The following SPOCK1 variants were observed in gnomAD, a reference collection of about 807,000 sequenced individuals.
The protein encoded by SPOCK1 is SPARC (osteonectin), cwcv and kazal like domains proteoglycan 1.
SPOCK1 carries 23 observed loss-of-function variants against 55.3 expected under a neutral mutation model. That is an observed-to-expected ratio of 0.42 (90% confidence interval 0.30 to 0.59). The LOEUF (loss-of-function observed/expected upper bound fraction) is 0.59, where lower values mean the gene tolerates loss of function less well. SPOCK1 is among the 20% of genes least tolerant of loss of function. The pLI, the probability that SPOCK1 is intolerant of heterozygous loss-of-function variation, is 0.22. For synonymous variants in SPOCK1, 226 were observed against 221.0 expected (o/e 1.02, Z -0.20); for missense variants, 499 against 552.5 (o/e 0.90, Z 0.97).
At chr5:137,405,483 G>A (rs1339472930) in intron 2 of SPOCK1, among the ~76,000 whole-genome samples, 1 of 152,082 alleles carries the variant, frequency 6.6e-6, no homozygotes, top group Non-Finnish European at 1.5e-5. Context: ...GTCCTCCTGC[G>A]GGTAGCCCAG....
At chr5:137,159,657 A>C (rs529713653) in intron 3 of SPOCK1, among the ~76,000 whole-genome samples, 66 of 152,334 alleles carry the variant, frequency 4.3e-4, no homozygotes, top group African/African-American at 1.5e-3. Flanking sequence ...ACATTGCTGC[A>C]AAAGGCACAA....
chr5:137,300,288 T>G (rs1179593416), intron 2 of SPOCK1, among the ~76,000 whole-genome samples: 1 of 152,190 alleles, frequency 6.6e-6, no homozygotes, highest in Non-Finnish European at 1.5e-5. Flanking sequence ...TCCATTTCCT[T>G]TAGGTCTCTG....
intron 3 of SPOCK1, among the ~76,000 whole-genome samples, chr5:137,184,332 T>C (rs1755024562): frequency 6.6e-6 from 1 of 152,126 alleles, no homozygotes; most frequent in South Asian, 2.1e-4. Flanking sequence ...GCTCCTCTCA[T>C]GGACAGATCC....
chr5:137,331,469 A>G (rs909805710), intron 2 of SPOCK1, among the ~76,000 whole-genome samples: 1 of 152,228 alleles, frequency 6.6e-6, no homozygotes, highest in African/African-American at 2.4e-5. Flanking sequence ...TTGCATTGCT[A>G]TAAACACCTG....
chr5:137,078,756 C>T (rs1173988049), intron 5 of SPOCK1, among the ~76,000 whole-genome samples: 2 of 152,148 alleles, frequency 1.3e-5, no homozygotes, highest in Non-Finnish European at 2.9e-5. Context: ...TTAATCTTTG[C>T]TCCTTCCTCC....
intron 5 of SPOCK1, among the ~76,000 whole-genome samples, chr5:137,079,884 C>A (rs1752851392): frequency 6.6e-6 from 1 of 152,090 alleles, no homozygotes; most frequent in South Asian, 2.1e-4. Context: ...TTCCAGCCCA[C>A]CCCACTCAAC....
intron 2 of SPOCK1, among the ~76,000 whole-genome samples, chr5:137,445,055 A>G (rs1753093948): frequency 6.6e-6 from 1 of 152,186 alleles, no homozygotes; most frequent in Non-Finnish European, 1.5e-5. Context: ...CACTACTACA[A>G]ATGGTGGAGA....
At chr5:137,338,920 GT>G (rs1359426415) in intron 2 of SPOCK1, among the ~76,000 whole-genome samples, 1 of 152,156 alleles carries the variant, frequency 6.6e-6, no homozygotes, top group Middle Eastern at 3.2e-3. Flanking sequence ...GTCAAGGAAT[GT>G]GCATCAAAGG....
chr5:137,147,702 A>G (rs1754224069), intron 3 of SPOCK1, among the ~76,000 whole-genome samples: 1 of 152,174 alleles, frequency 6.6e-6, no homozygotes, highest in Non-Finnish European at 1.5e-5. Flanking sequence ...CCCCTCTCCA[A>G]ATACAGACAT....
At chr5:137,160,593 A>ATTATATATT (rs1554100836) in intron 3 of SPOCK1, among the ~76,000 whole-genome samples, 1 of 71,054 alleles carries the variant, frequency 1.4e-5, no homozygotes, top group African/African-American at 5.6e-5. Flanking sequence ...TATAATATAT[A>ATTATATATT]ATATATTATA....
At chr5:137,068,664 G>A (rs939156530) in intron 5 of SPOCK1, among the ~76,000 whole-genome samples, 4 of 152,174 alleles carry the variant, frequency 2.6e-5, no homozygotes, top group Non-Finnish European at 5.9e-5. Flanking sequence ...TTATGGAAGA[G>A]GAAATTAAGA....
At chr5:137,198,122 A>G (rs1430168109) in intron 3 of SPOCK1, among the ~76,000 whole-genome samples, 1 of 152,136 alleles carries the variant, frequency 6.6e-6, no homozygotes, top group Non-Finnish European at 1.5e-5. Context: ...TCACTTTTTT[A>G]TGTCATAATT....
At chr5:137,381,408 A>C (rs1426417565) in intron 2 of SPOCK1, among the ~76,000 whole-genome samples, 1 of 151,988 alleles carries the variant, frequency 6.6e-6, no homozygotes, top group Admixed American at 6.6e-5. Context: ...GGGGGCTTCA[A>C]CTCTATGTTT....
intron 6 of SPOCK1, among the ~76,000 whole-genome samples, chr5:137,025,742 A>G (rs772045819): frequency 4.0e-4 from 61 of 152,174 alleles, no homozygotes; most frequent in Non-Finnish European, 7.5e-4. Context: ...AAGTGATACA[A>G]AGGGTACCAT....
chr5:137,398,824 A>G (rs1751911430), intron 2 of SPOCK1, among the ~76,000 whole-genome samples: 1 of 152,234 alleles, frequency 6.6e-6, no homozygotes, highest in African/African-American at 2.4e-5. Flanking sequence ...AAAATACTTT[A>G]TGGAAGATGC....
At chr5:137,228,383 G>A (rs1374143654) in intron 3 of SPOCK1, among the ~76,000 whole-genome samples, 1 of 152,228 alleles carries the variant, frequency 6.6e-6, no homozygotes. Flanking sequence ...GCTCATGCCT[G>A]TAATGCTAGC....
intron 3 of SPOCK1, among the ~76,000 whole-genome samples, chr5:137,166,979 A>G (rs1182315345): frequency 1.3e-5 from 2 of 152,078 alleles, no homozygotes; most frequent in Non-Finnish European, 2.9e-5. Flanking sequence ...CAATAATAAC[A>G]TTGAAAGTAA....
chr5:137,095,135 T>A (rs548107181), intron 5 of SPOCK1, among the ~76,000 whole-genome samples: 1 of 152,186 alleles, frequency 6.6e-6, no homozygotes, highest in South Asian at 2.1e-4. Context: ...GTTGGAGTGG[T>A]TTATGATGCC....
intron 2 of SPOCK1, among the ~76,000 whole-genome samples, chr5:137,320,555 C>G (rs1470416437): frequency 2.0e-5 from 3 of 152,092 alleles, no homozygotes; most frequent in African/African-American, 7.2e-5. Context: ...TACCTGGGAG[C>G]CAGAGAACAG....
Sources: gnomAD v4.1 joint callset for allele counts (sites outside exome capture counted in the v4.1 genomes callset) on GRCh38, gnomAD v4.1.1 for gene constraint, MANE v1.5 for transcripts, NCBI Gene and HGNC (gene_info 2026-07-23, HGNC 2026-07-21) for gene names.